The following OSBPL6 variants were observed in gnomAD, a reference collection of about 807,000 sequenced individuals.
The protein encoded by OSBPL6 is oxysterol-binding protein-related protein 6.
OSBPL6 carries 49 observed loss-of-function variants against 125.8 expected under a neutral mutation model. The ratio of observed to expected loss-of-function variants is 0.39; its 90% CI spans 0.31 to 0.49. The LOEUF (loss-of-function observed/expected upper bound fraction) is 0.49, where lower values mean the gene tolerates loss of function less well. OSBPL6 is among the 20% of genes least tolerant of loss of function. The pLI, the probability that OSBPL6 is intolerant of heterozygous loss-of-function variation, is 0.88. For missense variants in OSBPL6, 986 were observed against 1,135.4 expected (o/e 0.87, Z 1.89); for synonymous variants, 394 against 391.8 (o/e 1.01, Z -0.07).
At chr2:178,379,465 G>T (rs1362759973) in intron 15 of OSBPL6, among the ~76,000 whole-genome samples, 1 of 141,376 alleles carries the variant, frequency 7.1e-6, no homozygotes. Context: ...AGGAGGGAAG[G>T]AGAAAAAAAG....
At chr2:178,393,011 A>T (rs1695552693) in intron 23 of OSBPL6, among the ~76,000 whole-genome samples, 1 of 152,194 alleles carries the variant, frequency 6.6e-6, no homozygotes, top group Non-Finnish European at 1.5e-5. Flanking sequence ...GAAAAGCAGT[A>T]TTCATAGAAT....
chr2:178,359,349 C>T (rs1692109716), intron 12 of OSBPL6, among the ~76,000 whole-genome samples: 1 of 152,176 alleles, frequency 6.6e-6, no homozygotes, highest in Non-Finnish European at 1.5e-5. Context: ...ATCAAAACCA[C>T]TATGCGCCAC....
chr2:178,241,009 T>C (rs1295076761), intron 1 of OSBPL6, among the ~76,000 whole-genome samples: 1 of 151,942 alleles, frequency 6.6e-6, no homozygotes, highest in Admixed American at 6.6e-5. Flanking sequence ...GACTACAATC[T>C]TTTTTTTCTT....
intron 11 of OSBPL6, among the ~76,000 whole-genome samples, chr2:178,348,742 G>A (rs1559277374): frequency 6.6e-6 from 1 of 152,106 alleles, no homozygotes; most frequent in Non-Finnish European, 1.5e-5. Context: ...TTCCTGTTAA[G>A]CCTGATTTGT....
chr2:178,342,054 T>C (rs1157220198), intron 11 of OSBPL6, among the ~76,000 whole-genome samples: 3 of 152,198 alleles, frequency 2.0e-5, no homozygotes, highest in African/African-American at 7.2e-5. Flanking sequence ...CATACCCAGC[T>C]TTTTCCCCTC....
chr2:178,385,406 C>T, intron 18 of OSBPL6, 52 bp from the exon 19 acceptor site: 1 of 1,255,534 alleles, frequency 8.0e-7, no homozygotes, highest in South Asian at 1.3e-5. Context: ...AATGGATGAC[C>T]ATGTGGAAGT....
At chr2:178,353,341 A>T (rs556800304) in intron 12 of OSBPL6, among the ~76,000 whole-genome samples, 35 of 152,284 alleles carry the variant, frequency 2.3e-4, no homozygotes, top group African/African-American at 8.4e-4. Flanking sequence ...GGAAGCTAAA[A>T]ACCTTGAAAA....
intron 13 of OSBPL6, 65 bp downstream of exon 13, chr2:178,361,880 A>G: frequency 1.3e-6 from 2 of 1,587,494 alleles, no homozygotes; most frequent in South Asian, 1.1e-5. Context: ...TGAAAGATCA[A>G]AAGATGGGGG....
At chr2:178,374,157 C>T (rs1693658089) in intron 15 of OSBPL6, 130 bp downstream of exon 15, 1 of 1,105,356 alleles carries the variant, frequency 9.0e-7, no homozygotes, top group Non-Finnish European at 1.3e-6. Context: ...GTAAAATGTC[C>T]AAATTGCAGC....
intron 3 of OSBPL6, chr2:178,320,438 C>G: frequency 6.3e-7 from 1 of 1,583,888 alleles, no homozygotes; most frequent in Non-Finnish European, 8.6e-7. Flanking sequence ...GTTCTAAGTT[C>G]CTTAAAAAAC....
At chr2:178,231,602 C>G (rs957215039) in intron 1 of OSBPL6, among the ~76,000 whole-genome samples, 4 of 151,194 alleles carry the variant, frequency 2.6e-5, no homozygotes, top group Non-Finnish European at 4.4e-5. Context: ...TATGAGCAGC[C>G]CTTTCCCCCA....
chr2:178,356,075 A>T (rs966879065), intron 12 of OSBPL6, among the ~76,000 whole-genome samples: 1 of 152,258 alleles, frequency 6.6e-6, no homozygotes, highest in Non-Finnish European at 1.5e-5. Flanking sequence ...CTAGGTATTG[A>T]TGGAACATAT....
intron 4 of OSBPL6, 147 bp downstream of exon 4, chr2:178,324,416 G>A: frequency 1.9e-6 from 1 of 535,134 alleles, no homozygotes; most frequent in South Asian, 3.1e-5. Context: ...TGCTTCCAAG[G>A]AGTAGAGTTT....
At chr2:178,328,765 G>A (rs1688928667) in intron 5 of OSBPL6, among the ~76,000 whole-genome samples, 1 of 152,128 alleles carries the variant, frequency 6.6e-6, no homozygotes, top group African/African-American at 2.4e-5. Flanking sequence ...TGGGATTACA[G>A]GTGTGAGCCA....
At chr2:178,361,567 A>G in intron 12 of OSBPL6, 115 bp from the exon 13 acceptor site, 1 of 1,264,458 alleles carries the variant, frequency 7.9e-7, no homozygotes, top group Middle Eastern at 2.1e-4. Flanking sequence ...TTAGACTATT[A>G]CATAGCCTTT....
intron 2 of OSBPL6, among the ~76,000 whole-genome samples, chr2:178,287,193 A>C (rs1340550690): frequency 6.6e-6 from 1 of 151,878 alleles, no homozygotes; most frequent in East Asian, 1.9e-4. Context: ...TTAAAAAATA[A>C]GATTTACAGA....
intron 12 of OSBPL6, among the ~76,000 whole-genome samples, chr2:178,356,032 C>A (rs958053538): frequency 6.6e-6 from 1 of 152,248 alleles, no homozygotes; most frequent in Non-Finnish European, 1.5e-5. Flanking sequence ...TGACAAAATT[C>A]TACAGCCCTT....
At chr2:178,328,521 T>C (rs970307971) in intron 5 of OSBPL6, 143 bp downstream of exon 5, 1 of 971,214 alleles carries the variant, frequency 1.0e-6, no homozygotes, top group Non-Finnish European at 1.5e-6. Flanking sequence ...AGATTCTCAC[T>C]CTGTTACCCA....
At chr2:178,343,796 AC>A (rs1690446769) in intron 11 of OSBPL6, among the ~76,000 whole-genome samples, 1 of 152,122 alleles carries the variant, frequency 6.6e-6, no homozygotes, top group South Asian at 2.1e-4. Flanking sequence ...CCCTTCCCTT[AC>A]TTTTTTTCTT....
Sources: gnomAD v4.1 joint callset for allele counts (sites outside exome capture counted in the v4.1 genomes callset) on GRCh38, gnomAD v4.1.1 for gene constraint, MANE v1.5 for transcripts, NCBI Gene and HGNC (gene_info 2026-07-23, HGNC 2026-07-21) for gene names.